The following FBRSL1 variants were observed in gnomAD, a reference collection of about 807,000 sequenced individuals.
FBRSL1 encodes the protein fibrosin-1-like protein.
FBRSL1 carries 51 observed loss-of-function variants against 89.6 expected under a neutral mutation model. That is an observed-to-expected ratio of 0.57 (90% confidence interval 0.45 to 0.72). The LOEUF is 0.72. Ranked by LOEUF, FBRSL1 falls within the 30% of genes least tolerant of loss-of-function variation. The pLI is 0.00. For synonymous variants in FBRSL1, 779 were observed against 681.1 expected (o/e 1.14, Z -2.24); for missense variants, 1,618 against 1,451.8 (o/e 1.11, Z -1.86).
At chr12:132,495,356 C>T (rs1300625691) in intron 1 of FBRSL1, among the ~76,000 whole-genome samples, 3 of 152,236 alleles carry the variant, frequency 2.0e-5, no homozygotes, top group Non-Finnish European at 4.4e-5. Flanking sequence ...GACAGTGTCA[C>T]TTGGACCTCC....
chr12:132,494,717 G>C (rs2031700579), intron 1 of FBRSL1, among the ~76,000 whole-genome samples: 1 of 152,222 alleles, frequency 6.6e-6, no homozygotes, highest in Non-Finnish European at 1.5e-5. Context: ...CACACGTCAA[G>C]CTCCATAAGA....
At position 132,546,536 on chromosome 12, in the gene FBRSL1, A is replaced by G. The variant is rs1489753944; in HGVS notation, c.616-1467A>G. Among the ~76,000 whole-genome samples, 3 of 150,102 alleles carry G rather than the reference A, an allele frequency of 2.0e-5. No individual in the cohort carries two copies. The highest frequency in any genetic ancestry group is 3.0e-5 in the Non-Finnish European group (2 of 67,576). ...GGGGACCCTAGGAGAGGGCTTGGCC[A>G]CGGCTGAAAGGCCAGACCGGGGGGA... On this transcript the variant is annotated intron_variant, in intron 4 of 18. Transcript: ENST00000680143. The surrounding 1 kb of genome is among the most constrained non-coding windows in gnomAD (Gnocchi z 4.0).
At chr12:132,538,123 T>C (rs1010917161) in intron 4 of FBRSL1, among the ~76,000 whole-genome samples, 1 of 152,064 alleles carries the variant, frequency 6.6e-6, no homozygotes, top group Non-Finnish European at 1.5e-5. Flanking sequence ...CAGGGGCCGG[T>C]CCCTGGGGCC....
chr12:132,535,943 CCAT>C (rs1023220471), intron 4 of FBRSL1, among the ~76,000 whole-genome samples: 5 of 134,094 alleles, frequency 3.7e-5, no homozygotes, highest in Admixed American at 3.7e-4. Context: ...GCACATGTGT[CCAT>C]GATGGTGTGT....
At chr12:132,548,154 C>T (rs1279887575) in intron 5 of FBRSL1, 122 bp downstream of exon 5, 1 of 1,214,078 alleles carries the variant, frequency 8.2e-7, no homozygotes, top group African/African-American at 1.5e-5. Flanking sequence ...GATCCCCCCG[C>T]CCGGTGGGTG....
intron 4 of FBRSL1, among the ~76,000 whole-genome samples, chr12:132,528,770 C>CG (rs550309658): frequency 3.3e-5 from 5 of 149,660 alleles, no homozygotes; most frequent in African/African-American, 1.2e-4. Flanking sequence ...AGGGTGTGCC[C>CG]GGGGGAAGCA....
At position 132,523,697 on chromosome 12, in the gene FBRSL1, G is replaced by C. The variant is rs1195442407; in HGVS notation, c.490-2037G>C. Among the ~76,000 whole-genome samples the C allele has an allele frequency of 2.0e-5, 3 of 152,354 alleles. No homozygotes were observed. The East Asian group carries it at 5.8e-4, about 29-fold the overall frequency. ...GCCCTGAGCCTCTGTCCCTAGAAGT[G>C]AGTGCAGGGCTCATGGGGCCATCGC... On this transcript the variant is annotated intron_variant, in intron 2 of 18. Coordinates refer to ENST00000680143, the MANE Select transcript of FBRSL1 (RefSeq NM_001367871.1).
chr12:132,584,864 G>C lies in FBRSL1; in HGVS notation c.*1086G>C, dbSNP rs2041026148. On this transcript the variant is annotated 3_prime_UTR_variant, in exon 19 of 19. Coordinates refer to ENST00000680143, the MANE Select transcript of FBRSL1 (RefSeq NM_001367871.1). ...CACACACACACACAAAATCACTGCT[G>C]TGTGTTTTCTTCCGCCTGAGGCATC... The C allele has an allele frequency of 6.6e-6, 1 of 150,660 alleles. No individual in the cohort carries two copies. The highest frequency in any genetic ancestry group is 2.1e-4 in the South Asian group (1 of 4,776). The allele number at this position is 150,660 out of a possible 1,614,324, so 9.3% of individuals were successfully genotyped here.
intron 2 of FBRSL1, among the ~76,000 whole-genome samples, chr12:132,517,855 C>T (rs1013237171): frequency 5.3e-5 from 8 of 152,058 alleles, no homozygotes; most frequent in East Asian, 1.9e-4. Context: ...TGGCGCCTGT[C>T]GGGAGGCTGC....
At chr12:132,556,056 G>A (rs1006025404) in intron 5 of FBRSL1, among the ~76,000 whole-genome samples, 1 of 152,134 alleles carries the variant, frequency 6.6e-6, no homozygotes, top group African/African-American at 2.4e-5. Context: ...GCGAAGTTCC[G>A]GTGCCTTCTG....
chr12:132,540,676 G>A (rs1321893900), intron 4 of FBRSL1, among the ~76,000 whole-genome samples: 3 of 152,088 alleles, frequency 2.0e-5, no homozygotes, highest in Non-Finnish European at 2.9e-5. Context: ...TGTGTGTGGC[G>A]CCTGCTCTGG....
chr12:132,560,462 G>C (rs1470031088), intron 5 of FBRSL1, among the ~76,000 whole-genome samples: 1 of 151,984 alleles, frequency 6.6e-6, no homozygotes, highest in African/African-American at 2.4e-5. Flanking sequence ...AGGGCACCCG[G>C]GGTCCGGGGG....
chr12:132,507,508 T>C, intron 1 of FBRSL1: 1 of 838,316 alleles, frequency 1.2e-6, no homozygotes, highest in Non-Finnish European at 1.4e-6. Flanking sequence ...TAGAAGGTGC[T>C]CTGAAGGAGT....
At position 132,583,491 on chromosome 12, in the gene FBRSL1, C is replaced by T; in HGVS notation, c.2722C>T (p.Pro908Ser). Residue 908 changes from proline to serine, a missense_variant, in exon 19 of 19, where the codon CCG becomes TCG. Pro to Ser is a moderately conservative substitution (Grantham distance 74). Coordinates refer to ENST00000680143, the MANE Select transcript of FBRSL1 (RefSeq NM_001367871.1). ...LRGELERARA[P>S]HLPPAAPALD... is the part of the protein sequence containing the mutation. ...CGGGGAGCTGGAGCGCGCGCGGGCC[C>T]CGCACCTGCCGCCCGCCGCCCCCGC... 1 of 1,047,156 alleles carries T rather than the reference C, an allele frequency of 9.5e-7. No homozygotes were observed. The highest frequency in any genetic ancestry group is 1.2e-6 in the Non-Finnish European group (1 of 869,312). The allele number at this position is 1,047,156 out of a possible 1,614,324, so 64.9% of individuals were successfully genotyped here.
intron 4 of FBRSL1, among the ~76,000 whole-genome samples, chr12:132,545,251 G>A (rs377101843): frequency 1.3e-5 from 2 of 152,212 alleles, no homozygotes; most frequent in Non-Finnish European, 2.9e-5. Context: ...CCAGGGTGAC[G>A]TTCCCTGAGC....
chr12:132,575,159 T>G (rs1435357146), intron 14 of FBRSL1, among the ~76,000 whole-genome samples: 1 of 152,152 alleles, frequency 6.6e-6, no homozygotes, highest in Non-Finnish European at 1.5e-5. Flanking sequence ...GCACGTCACC[T>G]CCGCACACAA....
intron 6 of FBRSL1, among the ~76,000 whole-genome samples, chr12:132,568,540 C>G (rs2039789359): frequency 1.3e-5 from 2 of 152,266 alleles, no homozygotes; most frequent in African/African-American, 4.8e-5. Context: ...GCCGCGGCTG[C>G]TGCCGCATCT....
intron 5 of FBRSL1, among the ~76,000 whole-genome samples, chr12:132,564,631 GACTAC>G (rs2039440151): frequency 8.0e-6 from 1 of 125,290 alleles, no homozygotes; most frequent in Non-Finnish European, 1.6e-5. Flanking sequence ...GAGTAGCTGG[GACTAC>G]AGGCGCCCGC....
intron 2 of FBRSL1, chr12:132,510,857 G>A: frequency 9.5e-7 from 1 of 1,048,112 alleles, no homozygotes; most frequent in Non-Finnish European, 1.1e-6. Context: ...CCTCTGAATT[G>A]CCAATACTGT....
Sources: allele counts gnomAD v4.1 joint callset (sites outside exome capture counted in the v4.1 genomes callset), GRCh38; gene constraint gnomAD v4.1.1; non-coding constraint Gnocchi (gnomAD v3.1); transcripts MANE v1.5; gene names NCBI Gene and HGNC (gene_info 2026-07-23, HGNC 2026-07-21).